Variants in MYLK observed in about 807,000 individuals in gnomAD.
MYLK encodes myosin light chain kinase, smooth muscle.
In MYLK, 106 loss-of-function variants were observed where a neutral mutation model predicts 203.4. The observed-to-expected ratio is 0.52, with a 90% CI of 0.45 to 0.61. The LOEUF (loss-of-function observed/expected upper bound fraction) is 0.61, where lower values mean the gene tolerates loss of function less well. Ranked by LOEUF, MYLK falls within the 20% of genes least tolerant of loss-of-function variation. The pLI is 0.00. For synonymous variants in MYLK, 867 were observed against 959.5 expected, an observed-to-expected ratio of 0.90 and a Z score of 1.78; for missense variants, 2,072 against 2,442.3, an observed-to-expected ratio of 0.85 and a Z score of 3.20.
intron 11 of MYLK, among the ~76,000 whole-genome samples, chr3:123,728,770 GA>G (rs912289065): frequency 6.6e-6 from 1 of 152,130 alleles, no homozygotes; most frequent in Non-Finnish European, 1.5e-5. Context: ...CAGAGCTCCT[GA>G]AAAACCCCAT....
In MYLK at chr3:123,739,964, G is replaced by C. The variant is rs55760507; in HGVS notation, c.411C>G (p.Ser137=). 12,197 of 1,613,896 alleles carry C rather than the reference G, an allele frequency of 7.6e-3. 538 individuals are homozygous for C. The African/African-American group carries it at 0.11, about 15-fold the overall frequency. The change falls in exon 6 of 34, where the codon TCC becomes TCG. Residue 137 remains serine (S), a synonymous_variant. Coordinates refer to ENST00000360304, the MANE Select transcript of MYLK (RefSeq NM_053025.4). ...FAKQLGQPVV[S]KTLGDRFSAP... Reference sequence around the variant, plus strand: ...CATCCAGGACTTACCCTAAGGTTTTGGAAACAACAGGCTGACCAAGCTGCT... The same window carrying C: ...CATCCAGGACTTACCCTAAGGTTTTCGAAACAACAGGCTGACCAAGCTGCT...
intron 2 of MYLK, among the ~76,000 whole-genome samples, chr3:123,859,988 G>A (rs1429685899): frequency 6.6e-6 from 1 of 150,408 alleles, no homozygotes; most frequent in Non-Finnish European, 1.5e-5. Flanking sequence ...CTCCCCCTCA[G>A]AAGGAAGGAA....
intron 19 of MYLK, among the ~76,000 whole-genome samples, chr3:123,682,587 A>G (rs1184285270): frequency 6.6e-6 from 1 of 152,144 alleles, no homozygotes; most frequent in Non-Finnish European, 1.5e-5. Flanking sequence ...GGAGCTTGGG[A>G]TGCTCCCCCG....
chr3:123,847,419 C>T (rs1277078311), intron 2 of MYLK, among the ~76,000 whole-genome samples: 1 of 151,808 alleles, frequency 6.6e-6, no homozygotes, highest in Non-Finnish European at 1.5e-5. Context: ...TGTCCTATTG[C>T]ATTGGCTAGA....
At chr3:123,823,191 G>T (rs916067023) in intron 3 of MYLK, among the ~76,000 whole-genome samples, 1 of 152,096 alleles carries the variant, frequency 6.6e-6, no homozygotes, top group East Asian at 1.9e-4. Flanking sequence ...CCTTTTCCCC[G>T]TCTCTAAATG....
intron 3 of MYLK, among the ~76,000 whole-genome samples, chr3:123,814,468 T>A (rs1221789246): frequency 6.6e-6 from 1 of 152,220 alleles, no homozygotes; most frequent in Non-Finnish European, 1.5e-5. Context: ...TAAACAATAT[T>A]GGCTAAAAGT....
At chr3:123,696,121 G>A (rs892875941) in intron 18 of MYLK, among the ~76,000 whole-genome samples, 10 of 152,184 alleles carry the variant, frequency 6.6e-5, no homozygotes, top group Non-Finnish European at 5.9e-5. Context: ...GAAAGGGGGT[G>A]AACTAAATGG....
intron 31 of MYLK, among the ~76,000 whole-genome samples, chr3:123,626,165 C>T (rs1000542246): frequency 6.6e-6 from 1 of 152,208 alleles, no homozygotes; most frequent in Non-Finnish European, 1.5e-5. Context: ...ACCTTCATAC[C>T]TATTAGCGAC....
intron 5 of MYLK, among the ~76,000 whole-genome samples, chr3:123,743,148 T>TA (rs999927875): frequency 2.6e-5 from 4 of 151,600 alleles, no homozygotes; most frequent in African/African-American, 9.7e-5. Flanking sequence ...TTTACCACAA[T>TA]AAAAAAAATT....
At chr3:123,816,563 A>G (rs185131778) in intron 3 of MYLK, among the ~76,000 whole-genome samples, 1 of 152,368 alleles carries the variant, frequency 6.6e-6, no homozygotes, top group African/African-American at 2.4e-5. Context: ...TTGAAGATGT[A>G]TTTCACTGGT....
At chr3:123,829,998 C>A (rs758709444) in intron 3 of MYLK, among the ~76,000 whole-genome samples, 2 of 152,158 alleles carry the variant, frequency 1.3e-5, no homozygotes, top group African/African-American at 2.4e-5. Flanking sequence ...TTATTTACTT[C>A]TTTTCCTCAC....
chr3:123,765,533 A>T (rs979950267), intron 4 of MYLK, among the ~76,000 whole-genome samples: 12 of 151,598 alleles, frequency 7.9e-5, no homozygotes, highest in East Asian at 5.8e-4. Context: ...TCCACCTCAA[A>T]AAAAAAAAAA....
At chr3:123,684,307 G>A (rs914727994) in intron 19 of MYLK, among the ~76,000 whole-genome samples, 1 of 152,092 alleles carries the variant, frequency 6.6e-6, no homozygotes, top group African/African-American at 2.4e-5. Context: ...AAAACTCCTC[G>A]TCTCTCCTCA....
At chr3:123,836,314 T>C (rs2066473815) in intron 2 of MYLK, among the ~76,000 whole-genome samples, 1 of 152,236 alleles carries the variant, frequency 6.6e-6, no homozygotes, top group Non-Finnish European at 1.5e-5. Context: ...CTCCTAGGTA[T>C]CCAGCACCAA....
In MYLK at chr3:123,614,199, G is replaced by A; in HGVS notation, c.5651C>T (p.Ala1884Val). Residue 1884 changes from alanine (A) to valine (V), a missense_variant, in exon 34 of 34, where the codon GCT becomes GTT. By Grantham distance (64) the Ala-to-Val change is moderately conservative. Transcript: ENST00000360304. ...GDDDAKYTCK[A>V]VNSLGEATCT... is the part of the protein sequence containing the mutation. The stretch of plus-strand genomic sequence containing the variant: ...GGTGGCTTCTCCAAGACTGTTGACA[G>A]CCTTGCAGGTGTACTTGGCATCGTC... 3 of 1,614,052 alleles carry A rather than the reference G, an allele frequency of 1.9e-6. No individual in the cohort carries two copies. Among genetic ancestry groups the A allele is most frequent in the Non-Finnish European group, 2.5e-6 (3 of 1,180,020 alleles).
chr3:123,775,181 C>A (rs2064026868), intron 4 of MYLK, among the ~76,000 whole-genome samples: 1 of 152,068 alleles, frequency 6.6e-6, no homozygotes, highest in South Asian at 2.1e-4. Context: ...TACCACCATG[C>A]CCAGCTAATT....
intron 21 of MYLK, 121 bp from the exon 22 acceptor site, chr3:123,666,467 T>A: frequency 7.2e-7 from 1 of 1,384,560 alleles, no homozygotes; most frequent in Non-Finnish European, 1.0e-6. Context: ...ACCTTCAGGG[T>A]AAGACTGAGG....
intron 32 of MYLK, among the ~76,000 whole-genome samples, chr3:123,619,668 A>G (rs533939110): frequency 5.9e-5 from 9 of 152,210 alleles, no homozygotes; most frequent in Non-Finnish European, 8.8e-5. Flanking sequence ...AACTGACCCT[A>G]TTAGTCTCCA....
In MYLK at chr3:123,649,200, G is replaced by A. The variant is rs200774169; in HGVS notation, c.4289-6C>T. On this transcript the variant is annotated splice_polypyrimidine_tract_variant and splice_region_variant and intron_variant, in intron 24 of 33. Coordinates refer to ENST00000360304, the MANE Select transcript of MYLK (RefSeq NM_053025.4). ...CTCCACTTCATCCTTCGGCTCTGGG[G>A]GGGGCACAAGGAAGGACAGAGAGGA... 3.7e-6 allele frequency: 6 copies of A among 1,612,216 alleles called. No individual in the cohort carries two copies. The highest frequency in any genetic ancestry group is 3.3e-5 in the Admixed American group (2 of 59,948).
Sources: gnomAD v4.1 joint callset for allele counts (sites outside exome capture counted in the v4.1 genomes callset) on GRCh38, gnomAD v4.1.1 for gene constraint, MANE v1.5 for transcripts, NCBI Gene and HGNC (gene_info 2026-07-23, HGNC 2026-07-21) for gene names.